GALNT13: variants seen among roughly 807,000 people sequenced by gnomAD.
The protein encoded by GALNT13 is UDP-GalNAc:polypeptide N-acetylgalactosaminyltransferase 13.
A neutral mutation model predicts 64.2 loss-of-function variants in GALNT13; 28 were observed. That is an observed-to-expected ratio of 0.44 (90% CI 0.32 to 0.60). The LOEUF (loss-of-function observed/expected upper bound fraction) is 0.60. Ranked by LOEUF, GALNT13 falls within the 20% of genes least tolerant of loss-of-function variation. The pLI is 0.05. For missense variants in GALNT13, 577 were observed against 669.8 expected (o/e 0.86, Z 1.53); for synonymous variants, 214 against 224.6 (o/e 0.95, Z 0.42).
intron 4 of GALNT13, among the ~76,000 whole-genome samples, chr2:154,187,794 T>A (rs1203056478): frequency 6.6e-6 from 1 of 152,198 alleles, no homozygotes; most frequent in African/African-American, 2.4e-5. Context: ...TGGCATTTTT[T>A]AATGTTATAA....
chr2:153,435,310 G>C, the GALNT13 span, among the ~76,000 whole-genome samples: 1 of 151,944 alleles, frequency 6.6e-6, no homozygotes, highest in Non-Finnish European at 1.5e-5. Context: ...TGGCGATGCA[G>C]GCTCTTTTTT....
intron 9 of GALNT13, among the ~76,000 whole-genome samples, chr2:154,366,352 A>T (rs938172071): frequency 6.6e-6 from 1 of 152,184 alleles, no homozygotes. Context: ...TATATTACAA[A>T]TTTAAGGATG....
At chr2:153,524,339 G>A in the GALNT13 span, among the ~76,000 whole-genome samples, 3 of 85,924 alleles carry the variant, frequency 3.5e-5, no homozygotes, top group African/African-American at 1.4e-4. Flanking sequence ...TTTTTTTTTT[G>A]GTGGAGCAAG....
At chr2:153,198,660 C>T in the GALNT13 span, among the ~76,000 whole-genome samples, 1 of 152,202 alleles carries the variant, frequency 6.6e-6, no homozygotes, top group Admixed American at 6.5e-5. Flanking sequence ...ATCAAGGTCT[C>T]ATTACCTTCC....
chr2:153,629,558 T>A, the GALNT13 span, among the ~76,000 whole-genome samples: 1 of 152,178 alleles, frequency 6.6e-6, no homozygotes, highest in South Asian at 2.1e-4. Flanking sequence ...GAAGAAAACC[T>A]AGTCATTACC....
At chr2:153,706,298 G>A in the GALNT13 span, among the ~76,000 whole-genome samples, 1 of 151,966 alleles carries the variant, frequency 6.6e-6, no homozygotes, top group Admixed American at 6.6e-5. Flanking sequence ...CCCAGCCAAG[G>A]ACTATATATT....
chr2:153,167,035 T>C, the GALNT13 span, among the ~76,000 whole-genome samples: 1 of 152,222 alleles, frequency 6.6e-6, no homozygotes, highest in Non-Finnish European at 1.5e-5. Context: ...CCAGATAAGC[T>C]GTGCCTAGGC....
At chr2:153,665,724 C>G in the GALNT13 span, among the ~76,000 whole-genome samples, 11 of 152,166 alleles carry the variant, frequency 7.2e-5, 1 homozygote, top group South Asian at 2.3e-3. Flanking sequence ...CCAAGCAACT[C>G]CTAGGGAAGG....
At position 154,298,685 on chromosome 2, in the gene GALNT13, T is replaced by TATATATAAATTGTATATATAATG. The variant is rs1559075936; in HGVS notation, c.976-2724_976-2723insATATATAAATTGTATATATAATG. ...TTTATATATACATTGTATATACAAT[T>TATATATAAATTGTATATATAATG]TATATATACATTGTATATACAATTT... On this transcript the variant is annotated intron_variant, in intron 8 of 12. Coordinates refer to ENST00000392825, the MANE Select transcript of GALNT13 (RefSeq NM_052917.4). Among the ~76,000 whole-genome samples, 35 of 47,362 alleles carry TATATATAAATTGTATATATAATG rather than the reference T, an allele frequency of 7.4e-4. 4 individuals are homozygous for TATATATAAATTGTATATATAATG. The highest frequency in any genetic ancestry group is 9.5e-4 in the Non-Finnish European group (20 of 20,988). The allele number at this position is 47,362 out of a possible 152,430, so 31.1% of individuals were successfully genotyped here. A position where few individuals can be genotyped will look rare whatever the true frequency, so the allele number is the denominator to read the frequency against.
intron 9 of GALNT13, among the ~76,000 whole-genome samples, chr2:154,381,849 G>A (rs1698289370): frequency 6.6e-6 from 1 of 151,982 alleles, no homozygotes; most frequent in Non-Finnish European, 1.5e-5. Context: ...GAATCTTTTG[G>A]CAGCTGCTGC....
chr2:153,222,731 G>T, the GALNT13 span, among the ~76,000 whole-genome samples: 1 of 152,210 alleles, frequency 6.6e-6, no homozygotes, highest in East Asian at 1.9e-4. Flanking sequence ...TGTCAGCGCT[G>T]CCCGGAACTT....
At chr2:154,357,693 G>A (rs184055994) in intron 9 of GALNT13, among the ~76,000 whole-genome samples, 1 of 152,108 alleles carries the variant, frequency 6.6e-6, no homozygotes, top group Non-Finnish European at 1.5e-5. Context: ...TGGGTCAAGG[G>A]ATGACTGGTC....
At chr2:154,078,494 G>T (rs934244692) in intron 3 of GALNT13, among the ~76,000 whole-genome samples, 5 of 151,468 alleles carry the variant, frequency 3.3e-5, no homozygotes, top group Non-Finnish European at 7.4e-5. Flanking sequence ...AGTGAATTTA[G>T]GTTGGAAGAA....
the GALNT13 span, among the ~76,000 whole-genome samples, chr2:153,544,661 C>A: frequency 6.6e-6 from 1 of 152,130 alleles, no homozygotes; most frequent in East Asian, 1.9e-4. Flanking sequence ...TAAGATTTCT[C>A]TATTTATTTA....
At chr2:154,102,490 A>C (rs1189000574) in intron 3 of GALNT13, among the ~76,000 whole-genome samples, 1 of 152,178 alleles carries the variant, frequency 6.6e-6, no homozygotes, top group East Asian at 1.9e-4. Flanking sequence ...CAAAGGCATG[A>C]GAATAGTATA....
the GALNT13 span, among the ~76,000 whole-genome samples, chr2:153,408,115 A>G: frequency 6.6e-6 from 1 of 152,234 alleles, no homozygotes; most frequent in Admixed American, 6.5e-5. Context: ...GAATTAGCTG[A>G]GAGAGCAACT....
chr2:153,650,251 T>C, the GALNT13 span, among the ~76,000 whole-genome samples: 2 of 152,122 alleles, frequency 1.3e-5, no homozygotes, highest in African/African-American at 4.8e-5. Context: ...TCTTTGTTGG[T>C]TTAAAGTCTG....
At chr2:153,233,489 A>T in the GALNT13 span, among the ~76,000 whole-genome samples, 3 of 151,988 alleles carry the variant, frequency 2.0e-5, no homozygotes, top group African/African-American at 7.2e-5. Flanking sequence ...TTATTTTTAA[A>T]AAAAAAAACT....
chr2:153,963,990 T>C (rs1333404039), intron 3 of GALNT13, among the ~76,000 whole-genome samples: 5 of 152,202 alleles, frequency 3.3e-5, no homozygotes, highest in Non-Finnish European at 7.3e-5. Context: ...ATGAAAATTC[T>C]TTCTGGAAGA....
Sources: gnomAD v4.1 joint callset for allele counts (sites outside exome capture counted in the v4.1 genomes callset) on GRCh38, gnomAD v4.1.1 for gene constraint, MANE v1.5 for transcripts, NCBI Gene and HGNC (gene_info 2026-07-23, HGNC 2026-07-21) for gene names.